The following GNAO1 variants were observed in gnomAD, a reference collection of about 807,000 sequenced individuals.
GNAO1 encodes the protein guanine nucleotide-binding protein G(o) subunit alpha.
For synonymous variants in GNAO1, 164 were observed against 180.7 expected (o/e 0.91, Z 0.74); for missense variants, 166 against 478.7 (o/e 0.35, Z 6.10).
intron 2 of GNAO1, among the ~76,000 whole-genome samples, chr16:56,231,956 G>T (rs2036592145): frequency 6.6e-6 from 1 of 152,074 alleles, no homozygotes; most frequent in Non-Finnish European, 1.5e-5. Context: ...CATCTGGTTG[G>T]CAGATCAGAG....
chr16:56,276,362 C>CT, intron 3 of GNAO1: 1 of 274,530 alleles, frequency 3.6e-6, no homozygotes. Context: ...ACAACACTGT[C>CT]TAAGTACCTG....
chr16:56,291,904 A>C (rs2037236292), intron 3 of GNAO1, among the ~76,000 whole-genome samples: 1 of 151,956 alleles, frequency 6.6e-6, no homozygotes, highest in South Asian at 2.1e-4. Flanking sequence ...AGATGGCAAC[A>C]CTCTTATGAT....
intron 1 of GNAO1, 86 bp from the exon 2 acceptor site, chr16:56,192,487 AC>A (rs1424168631): frequency 2.0e-6 from 1 of 505,434 alleles, no homozygotes; most frequent in Non-Finnish European, 3.8e-6. Flanking sequence ...AGGATCGCCC[AC>A]CCCCTCGCAT....
At chr16:56,215,617 A>G (rs2036430503) in intron 2 of GNAO1, among the ~76,000 whole-genome samples, 1 of 152,210 alleles carries the variant, frequency 6.6e-6, no homozygotes, top group Non-Finnish European at 1.5e-5. Flanking sequence ...TGCTATATGT[A>G]CGTTTGGTTC....
chr16:56,341,970 A>G (rs116097702), intron 6 of GNAO1, among the ~76,000 whole-genome samples: 2,160 of 152,298 alleles, frequency 0.014, 57 homozygotes, highest in African/African-American at 0.049. Flanking sequence ...GGGGCCAGGC[A>G]AGCAGCACAG....
chr16:56,210,678 G>C (rs963998161), intron 2 of GNAO1, among the ~76,000 whole-genome samples: 14 of 152,206 alleles, frequency 9.2e-5, no homozygotes, highest in Admixed American at 3.3e-4. Flanking sequence ...ATGATGCGGA[G>C]CATCTTTTCA....
rs117474843 is a variant in GNAO1, at chr16:56,207,171, C to T, written c.161+14555C>T. Among the ~76,000 whole-genome samples, 841 of 152,332 alleles carry T rather than the reference C, an allele frequency of 5.5e-3. 3 individuals are homozygous for T. Among genetic ancestry groups the T allele is most frequent in the Non-Finnish European group, 8.6e-3 (584 of 68,034 alleles). On this transcript the variant is annotated intron_variant, in intron 2 of 8. Transcript: ENST00000262493. ...TGAAGAAACTGAGGCGAAAATAATT[C>T]AGTATAGCAGTGTGAAAGAAGCATG... is the stretch of plus-strand genomic sequence containing the variant.
At chr16:56,293,629 T>A (rs1004735414) in intron 3 of GNAO1, among the ~76,000 whole-genome samples, 2 of 152,232 alleles carry the variant, frequency 1.3e-5, no homozygotes, top group Non-Finnish European at 2.9e-5. Flanking sequence ...CTTTTATTCC[T>A]ACTTTTGTAG....
At chr16:56,289,676 C>T (rs2037211010) in intron 3 of GNAO1, among the ~76,000 whole-genome samples, 1 of 152,126 alleles carries the variant, frequency 6.6e-6, no homozygotes. Context: ...GAGCATACGG[C>T]GCAGGCTTGA....
chr16:56,233,035 G>A (rs1421521619), intron 2 of GNAO1, among the ~76,000 whole-genome samples: 15 of 152,194 alleles, frequency 9.9e-5, no homozygotes, highest in Non-Finnish European at 5.9e-5. Flanking sequence ...CTTGGGAGGT[G>A]GAGTATCATT....
chr16:56,319,704 C>T (rs548905151), intron 3 of GNAO1, among the ~76,000 whole-genome samples: 90 of 152,248 alleles, frequency 5.9e-4, no homozygotes, highest in Admixed American at 3.0e-3. Context: ...ATGCCAGTTC[C>T]GGAGCATCAC....
chr16:56,350,184 C>T (rs562287736), intron 6 of GNAO1, among the ~76,000 whole-genome samples: 11 of 150,696 alleles, frequency 7.3e-5, no homozygotes, highest in Non-Finnish European at 1.5e-4. Flanking sequence ...AGGAGGTCAT[C>T]TCCCCGTAGA....
chr16:56,203,360 T>C (rs914492332), intron 2 of GNAO1, among the ~76,000 whole-genome samples: 19 of 152,110 alleles, frequency 1.2e-4, no homozygotes, highest in African/African-American at 4.3e-4. Flanking sequence ...AGGCCAATCA[T>C]CATCCTTCTC....
In GNAO1 at chr16:56,286,210, A is replaced by G. The variant is rs1395923470; in HGVS notation, c.303+10138A>G. ...CCTCCCGCTACACACATCTGCACAC[A>G]CGCTCATCAGCTTCTGCTTTACTCA... On this transcript the variant is annotated intron_variant, in intron 3 of 8. Transcript: ENST00000262493. Among the ~76,000 whole-genome samples the G allele has an allele frequency of 2.6e-5, 4 of 152,234 alleles. No homozygotes were observed. In the South Asian group the frequency reaches 6.2e-4, roughly 24 times the overall value.
chr16:56,286,156 T>C (rs1398717827), intron 3 of GNAO1, among the ~76,000 whole-genome samples: 1 of 151,968 alleles, frequency 6.6e-6, no homozygotes, highest in Non-Finnish European at 1.5e-5. Flanking sequence ...GGAGATGGCT[T>C]CCCTAGGAAA....
intron 3 of GNAO1, among the ~76,000 whole-genome samples, chr16:56,281,127 G>A (rs2037110226): frequency 1.3e-5 from 2 of 152,102 alleles, no homozygotes; most frequent in African/African-American, 4.8e-5. Context: ...CCAGGGTCAT[G>A]CAATACAAAT....
intron 3 of GNAO1, among the ~76,000 whole-genome samples, chr16:56,278,874 G>A (rs1034167836): frequency 6.6e-5 from 10 of 152,162 alleles, no homozygotes; most frequent in Non-Finnish European, 1.3e-4. Context: ...CAGCCAGGCA[G>A]CTCCTGATGT....
At chr16:56,285,304 G>C (rs1280715631) in intron 3 of GNAO1, among the ~76,000 whole-genome samples, 1 of 151,082 alleles carries the variant, frequency 6.6e-6, no homozygotes, top group Non-Finnish European at 1.5e-5. Flanking sequence ...GTGGGAAAAT[G>C]TTATAACCAC....
chr16:56,335,942 C>T (rs1246805954), intron 5 of GNAO1, among the ~76,000 whole-genome samples: 2 of 152,204 alleles, frequency 1.3e-5, no homozygotes, highest in Non-Finnish European at 2.9e-5. Context: ...GCAGTCACTC[C>T]GTTGTGTCCG....
Sources: allele counts gnomAD v4.1 joint callset (sites outside exome capture counted in the v4.1 genomes callset), GRCh38; gene constraint gnomAD v4.1.1; transcripts MANE v1.5; gene names NCBI Gene and HGNC (gene_info 2026-07-23, HGNC 2026-07-21).